Variants in IGLON5 observed in about 807,000 individuals in gnomAD.
IGLON5 encodes IgLON family member 5, also known as Ig-like domain-containing protein ENSP00000270642.
Under a neutral mutation model 38.2 loss-of-function variants are expected in IGLON5, and 16 were observed. The ratio of observed to expected loss-of-function variants is 0.42; its 90% CI spans 0.28 to 0.64. The LOEUF (loss-of-function observed/expected upper bound fraction) is 0.64. Among genes scored for constraint, IGLON5 ranks in the 30% least tolerant of loss-of-function variants. The probability of loss-of-function intolerance (pLI) is 0.23; values close to 1 mark genes in which losing one functional copy is unlikely to be tolerated. For missense variants in IGLON5, 366 were observed against 483.4 expected (o/e 0.76, Z 2.28); for synonymous variants, 207 against 216.4 (o/e 0.96, Z 0.38).
In IGLON5 at chr19:51,315,985, C is replaced by T. The variant is rs180684409; in HGVS notation, c.79+4059C>T. ...CTGGGATTACAGGCGTGAGCCACCA[C>T]GCCCCGCCGGAAGTCAACCTTTCAA... On this transcript the variant is annotated intron_variant, in intron 1 of 7. Coordinates refer to ENST00000270642, the MANE Select transcript of IGLON5 (RefSeq NM_001101372.3). Among the ~76,000 whole-genome samples the T allele has an allele frequency of 2.6e-3, 388 of 151,966 alleles. 1 individual carries two copies. Among genetic ancestry groups the T allele is most frequent in the Non-Finnish European group, 4.4e-3 (297 of 67,922 alleles).
intron 2 of IGLON5, among the ~76,000 whole-genome samples, chr19:51,323,274 C>CTG (rs375753533): frequency 1.1e-4 from 17 of 150,714 alleles, no homozygotes; most frequent in South Asian, 2.1e-4. Flanking sequence ...CTCTGTCCCT[C>CTG]TGTGTGTGTG....
At chr19:51,320,140 C>T (rs998099652) in intron 1 of IGLON5, among the ~76,000 whole-genome samples, 5 of 152,120 alleles carry the variant, frequency 3.3e-5, no homozygotes, top group Non-Finnish European at 7.4e-5. Context: ...GTGTTTAGCT[C>T]GGGGAGGGTG....
At chr19:51,318,475 T>C (rs1374846230) in intron 1 of IGLON5, among the ~76,000 whole-genome samples, 1 of 152,116 alleles carries the variant, frequency 6.6e-6, no homozygotes, top group East Asian at 1.9e-4. Context: ...CCAGGCACTC[T>C]GGCTCACGCC....
In IGLON5 at chr19:51,324,872, T is replaced by C. The variant is rs1041049401; in HGVS notation, c.392-474T>C. Among the ~76,000 whole-genome samples, 9 of 151,866 alleles carry C rather than the reference T, an allele frequency of 5.9e-5. No homozygotes were observed. Among genetic ancestry groups the C allele is most frequent in the Middle Eastern group, 3.4e-3 (1 of 294 alleles). On this transcript the variant is annotated intron_variant, in intron 3 of 7. Coordinates refer to ENST00000270642, the MANE Select transcript of IGLON5 (RefSeq NM_001101372.3). The surrounding 1 kb of genome is among the most constrained non-coding windows in gnomAD (Gnocchi z 4.2). ...CCACCCCAGAGGCTGGTAGTGAGCA[T>C]CTAATCAGTGGATTTGGGTAAAGCA...
chr19:51,329,827 GACACACACACACACACACACACACAC>G lies in IGLON5; in HGVS notation c.*1071_*1096del, dbSNP rs60928654. 6.8e-6 allele frequency: 1 copy of G among 147,082 alleles called. No individual in the cohort carries two copies. Among genetic ancestry groups the G allele is most frequent in the Admixed American group, 6.8e-5 (1 of 14,698 alleles). The allele number at this position is 147,082 out of a possible 1,614,324, so 9.1% of individuals were successfully genotyped here. A position where few individuals can be genotyped will look rare whatever the true frequency, so the allele number is the denominator to read the frequency against. On this transcript the variant is annotated 3_prime_UTR_variant, in exon 8 of 8. Transcript: ENST00000270642. The surrounding 1 kb of genome is among the most constrained non-coding windows in gnomAD (Gnocchi z 4.3). The stretch of plus-strand genomic sequence containing the variant: ...CACCACACACACATACACACACACA[GACACACACACACACACACACACACAC>G]ACCAGCGACTGTGACCAGCAATAGC...
At chr19:51,314,985 AT>A (rs998872747) in intron 1 of IGLON5, among the ~76,000 whole-genome samples, 9 of 152,042 alleles carry the variant, frequency 5.9e-5, no homozygotes, top group East Asian at 1.9e-4. Context: ...TGGTTTGTTG[AT>A]TTTTTTCCCC....
At position 51,325,231 on chromosome 19, in the gene IGLON5, C is replaced by T. The variant is rs1985183915; in HGVS notation, c.392-115C>T. 1 of 1,460,496 alleles carries T rather than the reference C, an allele frequency of 6.8e-7. No individual in the cohort carries two copies. Among genetic ancestry groups the T allele is most frequent in the African/African-American group, 1.4e-5 (1 of 71,270 alleles). The allele number at this position is 1,460,496 out of a possible 1,614,324, so 90.5% of individuals were successfully genotyped here. A position where few individuals can be genotyped will look rare whatever the true frequency, so the allele number is the denominator to read the frequency against. On this transcript the variant is annotated intron_variant, in intron 3 of 7. Coordinates refer to ENST00000270642, the MANE Select transcript of IGLON5 (RefSeq NM_001101372.3). The surrounding 1 kb of genome is among the most constrained non-coding windows in gnomAD (Gnocchi z 5.5). ...GGAGGAGGGGCTGGGGGTCTGAACTCCTGGGTCTGAGGGAGGAGGAGGGGC... is the reference window on the plus strand; with the variant it reads ...GGAGGAGGGGCTGGGGGTCTGAACTTCTGGGTCTGAGGGAGGAGGAGGGGC...
At chr19:51,322,971 C>T (rs1189517753) in intron 2 of IGLON5, among the ~76,000 whole-genome samples, 1 of 148,812 alleles carries the variant, frequency 6.7e-6, no homozygotes, top group African/African-American at 2.5e-5. Context: ...CTGTCCCCCT[C>T]TCTCTGGGTC....
chr19:51,312,135 G>T (rs1408885159), intron 1 of IGLON5, among the ~76,000 whole-genome samples: 3 of 152,094 alleles, frequency 2.0e-5, no homozygotes, highest in Non-Finnish European at 4.4e-5. Flanking sequence ...CCGGGGCAGG[G>T]GTCGGCGTCC....
intron 1 of IGLON5, among the ~76,000 whole-genome samples, chr19:51,312,196 A>G (rs1026787139): frequency 6.6e-6 from 1 of 151,790 alleles, no homozygotes; most frequent in East Asian, 1.9e-4. Context: ...CGAGCAGGCA[A>G]GAGGGTCGCA....
At position 51,313,647 on chromosome 19, in the gene IGLON5, TTTTCTTTCTTTC is replaced by T. The variant is rs1555750477; in HGVS notation, c.79+1760_79+1771del. Among the ~76,000 whole-genome samples, 450 of 116,268 alleles carry T rather than the reference TTTTCTTTCTTTC, an allele frequency of 3.9e-3. 2 individuals carry two copies. The highest frequency in any genetic ancestry group is 6.3e-3 in the Non-Finnish European group (357 of 56,982). The allele number at this position is 116,268 out of a possible 152,430, so 76.3% of individuals were successfully genotyped here. On this transcript the variant is annotated intron_variant, in intron 1 of 7. Coordinates refer to ENST00000270642, the MANE Select transcript of IGLON5 (RefSeq NM_001101372.3). ...TTTCTCTTTTTCTCTCTCTCTCTCT[TTTTCTTTCTTTC>T]TTTCTTTCTTTCTTTCTTTCTTTCT...
intron 1 of IGLON5, 101 bp from the exon 2 acceptor site, chr19:51,321,963 G>A (rs183751779): frequency 1.5e-5 from 14 of 960,556 alleles, no homozygotes; most frequent in African/African-American, 3.2e-5. Context: ...TGCAGGAGAC[G>A]TCTGTGTCCA....
At chr19:51,320,674 T>A (rs1985032708) in intron 1 of IGLON5, among the ~76,000 whole-genome samples, 1 of 152,004 alleles carries the variant, frequency 6.6e-6, no homozygotes, top group Admixed American at 6.6e-5. Context: ...TGCAAAGGTT[T>A]GTGTGTGTGT....
At chr19:51,319,871 T>C (rs902648678) in intron 1 of IGLON5, among the ~76,000 whole-genome samples, 1 of 151,842 alleles carries the variant, frequency 6.6e-6, no homozygotes, top group African/African-American at 2.4e-5. Flanking sequence ...TGTATGCGTG[T>C]GATTGTATGT....
In IGLON5 at chr19:51,328,687, G is replaced by A. The variant is rs754365665; in HGVS notation, c.939G>A (p.Glu313=). The A allele has an allele frequency of 5.0e-6, 8 of 1,587,460 alleles. No homozygotes were observed. The highest frequency in any genetic ancestry group is 6.0e-6 in the Non-Finnish European group (7 of 1,167,076). Residue 313 remains glutamate, a synonymous_variant, in exon 8 of 8, where the codon GAG becomes GAA. Transcript: ENST00000270642. ...TTCCCCCAGGCCCAGGATCCCTGGA[G>A]AACTCAGCCCCGAGGCCCCCAGGGC... The part of the protein sequence containing the change: ...SMRLLRPGSL[E]NSAPRPPGLL...
Position 51,326,847 on chromosome 19 carries a change from A to G in IGLON5, c.595A>G (p.Asn199Asp), listed in dbSNP as rs951664879. 6.4e-7 allele frequency: 1 copy of G among 1,557,980 alleles called. No individual in the cohort carries two copies. Among genetic ancestry groups the G allele is most frequent in the African/African-American group, 1.4e-5 (1 of 73,430 alleles). ...QAGEYECVTHNGVNSAPDSRR... is the reference protein window; with the variant it reads ...QAGEYECVTHDGVNSAPDSRR... ...CGGGGAGTATGAGTGCGTGACTCAC[A>G]ACGGGGTTAACTCGGCGCCCGACAG... The change falls in exon 5 of 8, where the codon AAC becomes GAC. Residue 199 changes from asparagine (N) to aspartate (D), a missense_variant. Asn to Asp is a conservative substitution (Grantham distance 23). Coordinates refer to ENST00000270642, the MANE Select transcript of IGLON5 (RefSeq NM_001101372.3).
chr19:51,323,304 C>T (rs1032923282), intron 2 of IGLON5, among the ~76,000 whole-genome samples: 2 of 143,528 alleles, frequency 1.4e-5, no homozygotes, highest in Non-Finnish European at 3.1e-5. Context: ...GTCCTTCTCT[C>T]TCTGGGTCTC....
chr19:51,327,743 G>A lies in IGLON5; in HGVS notation c.779G>A (p.Gly260Asp), dbSNP rs866883551. ...CGGATCCCTGGCAGGCTGAGCAGCG[G>A]CACGGCCGAAGGCCTGAAGGTGCAG... ...WYKDDRLLSS[G>D]TAEGLKVQTE... The change falls in exon 7 of 8, where the codon GGC (glycine) becomes GAC (aspartate). Residue 260 changes from glycine (G) to aspartate (D), a missense_variant. Transcript: ENST00000270642. The surrounding 1 kb of genome is among the most constrained non-coding windows in gnomAD (Gnocchi z 7.1). 2 of 1,574,214 alleles carry A rather than the reference G, an allele frequency of 1.3e-6. No individual in the cohort carries two copies. The highest frequency in any genetic ancestry group is 8.6e-7 in the Non-Finnish European group (1 of 1,163,132).
chr19:51,311,943 G>T lies in IGLON5; in HGVS notation c.79+17G>T. 7.7e-7 allele frequency: 1 copy of T among 1,298,570 alleles called. No homozygotes were observed. The highest frequency in any genetic ancestry group is 2.1e-5 in the South Asian group (1 of 47,556). The allele number at this position is 1,298,570 out of a possible 1,614,324, so 80.4% of individuals were successfully genotyped here. A position where few individuals can be genotyped will look rare whatever the true frequency, so the allele number is the denominator to read the frequency against. On this transcript the variant is annotated intron_variant, in intron 1 of 7. Coordinates refer to ENST00000270642, the MANE Select transcript of IGLON5 (RefSeq NM_001101372.3). The stretch of plus-strand genomic sequence containing the variant: ...TCAGCCGAGGTACCGCAGCGCCGGG[G>T]GCGGGGGGCTCGGCCGGGACGCCAG...
Sources: gnomAD v4.1 joint callset for allele counts (sites outside exome capture counted in the v4.1 genomes callset) on GRCh38, gnomAD v4.1.1 for gene constraint, Gnocchi (gnomAD v3.1) non-coding constraint, MANE v1.5 for transcripts, NCBI Gene and HGNC (gene_info 2026-07-23, HGNC 2026-07-21) for gene names.